Variants in PLEKHA7 observed in about 807,000 individuals in gnomAD.
PLEKHA7 encodes pleckstrin homology domain-containing family A member 7.
Under a neutral mutation model 170.0 loss-of-function variants are expected in PLEKHA7, and 104 were observed. The observed-to-expected ratio is 0.61, with a 90% confidence interval of 0.52 to 0.72. PLEKHA7 has a LOEUF of 0.72. Ranked by LOEUF, PLEKHA7 falls within the 30% of genes least tolerant of loss-of-function variation. The pLI, the probability that PLEKHA7 is intolerant of heterozygous loss-of-function variation, is 0.00. For missense variants in PLEKHA7, 1,615 were observed against 1,671.7 expected (o/e 0.97, Z 0.59); for synonymous variants, 648 against 660.8 (o/e 0.98, Z 0.30).
At chr11:16,896,915 C>T (rs563666606) in intron 3 of PLEKHA7, among the ~76,000 whole-genome samples, 15 of 152,258 alleles carry the variant, frequency 9.9e-5, no homozygotes, top group African/African-American at 3.6e-4. Context: ...GAGGTAAGAG[C>T]TTGTTTGTGC....
Position 16,801,802 on chromosome 11 carries a change from C to G in PLEKHA7, c.2173G>C (p.Val725Leu). Residue 725 changes from valine (V) to leucine (L), a missense_variant, in exon 16 of 27, where the codon GTG becomes CTG. Coordinates refer to ENST00000531066, the MANE Select transcript of PLEKHA7 (RefSeq NM_001329630.2). Reference sequence around the variant, plus strand: ...ATCTGTCTGTGCAACACCTCCAGCACAGATTCTAGCTGGTCCTGCACCACG... The same window carrying G: ...ATCTGTCTGTGCAACACCTCCAGCAGAGATTCTAGCTGGTCCTGCACCACG... ...LKENKDQLES[V>L]LEVLHRQMEQ... 1 of 1,614,126 alleles carries G rather than the reference C, an allele frequency of 6.2e-7. No homozygotes were observed. The highest frequency in any genetic ancestry group is 1.1e-5 in the South Asian group (1 of 91,082).
chr11:16,792,217 T>TA (rs1214515602), intron 19 of PLEKHA7, among the ~76,000 whole-genome samples: 1 of 152,164 alleles, frequency 6.6e-6, no homozygotes, highest in Non-Finnish European at 1.5e-5. Context: ...CCCAGAAAGA[T>TA]AAACATAAAA....
At chr11:16,946,648 A>T (rs1861048716) in intron 3 of PLEKHA7, among the ~76,000 whole-genome samples, 1 of 152,154 alleles carries the variant, frequency 6.6e-6, no homozygotes, top group African/African-American at 2.4e-5. Context: ...AGAATGGCAA[A>T]TCAGGATATC....
Position 16,778,692 on chromosome 11 carries a change from C to T in PLEKHA7, c.*306G>A. 1 of 450,726 alleles carries T rather than the reference C, an allele frequency of 2.2e-6. No homozygotes were observed. Among genetic ancestry groups the T allele is most frequent in the East Asian group, 4.0e-5 (1 of 25,270 alleles). 27.9% of individuals were successfully genotyped at this position (450,726 alleles called of 1,614,324 possible). A position where few individuals can be genotyped will look rare whatever the true frequency, so the allele number is the denominator to read the frequency against. ...CAGCTGCAAAGTCCTGCATCCTCAA[C>T]CTTCCTGCCACTCAGCCCTTGAGGG... On this transcript the variant is annotated 3_prime_UTR_variant, in exon 27 of 27. Coordinates refer to ENST00000531066, the MANE Select transcript of PLEKHA7 (RefSeq NM_001329630.2).
intron 5 of PLEKHA7, chr11:16,855,583 C>T: frequency 3.6e-6 from 2 of 557,576 alleles, no homozygotes; most frequent in Non-Finnish European, 3.2e-6. Flanking sequence ...TGCTCAAGGA[C>T]CTATAGACAC....
At chr11:16,816,692 T>G (rs776143683) in intron 11 of PLEKHA7, 108 bp downstream of exon 11, 3 of 1,313,360 alleles carry the variant, frequency 2.3e-6, no homozygotes, top group Non-Finnish European at 2.1e-6. Flanking sequence ...TGCCTAAGTA[T>G]TAGCTATCAT....
At chr11:16,959,876 C>G (rs1010460649) in intron 3 of PLEKHA7, among the ~76,000 whole-genome samples, 1 of 152,126 alleles carries the variant, frequency 6.6e-6, no homozygotes, top group Non-Finnish European at 1.5e-5. Flanking sequence ...CTACTTCCCC[C>G]CAGGTACCAG....
intron 4 of PLEKHA7, among the ~76,000 whole-genome samples, chr11:16,863,343 G>A (rs1292066787): frequency 6.6e-6 from 1 of 152,114 alleles, no homozygotes; most frequent in Non-Finnish European, 1.5e-5. Context: ...ATAATCCAAT[G>A]AGAAAACTGA....
At chr11:16,906,240 A>T (rs1442858249) in intron 3 of PLEKHA7, among the ~76,000 whole-genome samples, 6 of 79,124 alleles carry the variant, frequency 7.6e-5, no homozygotes, top group Non-Finnish European at 1.9e-4. Context: ...GGAAGGAAGG[A>T]AGGAAGGAAG....
chr11:16,954,239 G>T (rs1861567414), intron 3 of PLEKHA7, among the ~76,000 whole-genome samples: 1 of 152,184 alleles, frequency 6.6e-6, no homozygotes, highest in Admixed American at 6.5e-5. Context: ...ATAATGGCCA[G>T]GCACAGTGGC....
intron 3 of PLEKHA7, among the ~76,000 whole-genome samples, chr11:16,909,312 G>A (rs60996031): frequency 0.018 from 2,682 of 152,276 alleles, 87 homozygotes; most frequent in African/African-American, 0.062. Flanking sequence ...TGTTCACACA[G>A]AAACAGGAGC....
At chr11:16,902,076 T>C (rs75381101) in intron 3 of PLEKHA7, among the ~76,000 whole-genome samples, 289 of 152,304 alleles carry the variant, frequency 1.9e-3, no homozygotes, top group Admixed American at 4.1e-3. Context: ...TCCATATAAA[T>C]AGGCTTAGAC....
chr11:16,859,805 G>A (rs1225824378), intron 4 of PLEKHA7, among the ~76,000 whole-genome samples: 1 of 152,232 alleles, frequency 6.6e-6, no homozygotes, highest in African/African-American at 2.4e-5. Flanking sequence ...AAGGCATTCA[G>A]TTCCCAGCAG....
At chr11:16,839,843 A>T (rs1851813166) in intron 9 of PLEKHA7, among the ~76,000 whole-genome samples, 1 of 152,144 alleles carries the variant, frequency 6.6e-6, no homozygotes, top group African/African-American at 2.4e-5. Context: ...ACATACATAT[A>T]CTGTAAACAT....
At position 16,926,791 on chromosome 11, in the gene PLEKHA7, A is replaced by C. The variant is rs565250154; in HGVS notation, c.222-55609T>G. ...ATCTGGGCTTTTATCCAGGTGGGGC[A>C]TAGGGTGGCTCCCAGGCCCTAGAAG... On this transcript the variant is annotated intron_variant, in intron 3 of 26. Transcript: ENST00000531066. Among the ~76,000 whole-genome samples, 36 of 152,348 alleles carry C rather than the reference A, an allele frequency of 2.4e-4. No individual in the cohort carries two copies. The East Asian group carries it at 5.8e-3, about 25-fold the overall frequency.
intron 3 of PLEKHA7, among the ~76,000 whole-genome samples, chr11:17,011,516 C>G (rs1865323630): frequency 6.6e-6 from 1 of 152,184 alleles, no homozygotes; most frequent in African/African-American, 2.4e-5. Context: ...GTCTTCACCC[C>G]GTGTTTTATC....
At chr11:17,006,626 C>A (rs77178631) in intron 3 of PLEKHA7, among the ~76,000 whole-genome samples, 641 of 121,710 alleles carry the variant, frequency 5.3e-3, no homozygotes, top group Non-Finnish European at 5.1e-3. Flanking sequence ...GACTCAGTCT[C>A]AAAAAAAAAA....
chr11:17,011,187 C>G (rs979693332), intron 3 of PLEKHA7, among the ~76,000 whole-genome samples: 23 of 152,216 alleles, frequency 1.5e-4, no homozygotes, highest in Admixed American at 1.5e-3. Context: ...GCACCTGGTA[C>G]TTTGGGACAC....
At chr11:17,013,941 C>CG in intron 3 of PLEKHA7, 48 bp downstream of exon 3, 2 of 1,005,906 alleles carry the variant, frequency 2.0e-6, no homozygotes, top group East Asian at 6.8e-5. Flanking sequence ...CGGGGAGGGA[C>CG]CCCCCCCCCG....
Sources: allele counts gnomAD v4.1 joint callset (sites outside exome capture counted in the v4.1 genomes callset), GRCh38; gene constraint gnomAD v4.1.1; transcripts MANE v1.5; gene names NCBI Gene and HGNC (gene_info 2026-07-23, HGNC 2026-07-21).